The following LRRIQ3 variants were observed in gnomAD, a reference collection of about 807,000 sequenced individuals.
The protein encoded by LRRIQ3 is leucine-rich repeat and IQ domain-containing protein 3.
LRRIQ3 carries 75 observed loss-of-function variants against 59.3 expected under a neutral mutation model. The observed-to-expected ratio is 1.26, with a 90% CI of 1.05 to 1.53. LRRIQ3 has a LOEUF of 1.53. Ranked by LOEUF, LRRIQ3 falls within the 40% of genes most tolerant of loss-of-function variation. The pLI, the probability that LRRIQ3 is intolerant of heterozygous loss-of-function variation, is 0.00. For missense variants in LRRIQ3, 831 were observed against 710.0 expected (o/e 1.17, Z -1.94); for synonymous variants, 250 against 231.3 (o/e 1.08, Z -0.73).
intron 5 of LRRIQ3, chr1:74,083,217 T>C (rs1162245572): frequency 6.6e-6 from 1 of 151,730 alleles, no homozygotes; most frequent in Non-Finnish European, 1.5e-5. Flanking sequence ...ACAGCCTCAG[T>C]ACAAATCTTA....
intron 6 of LRRIQ3, among the ~76,000 whole-genome samples, chr1:74,049,925 C>CTTT (rs1343000738): frequency 1.5e-4 from 15 of 102,782 alleles, no homozygotes; most frequent in East Asian, 5.9e-4. Flanking sequence ...TCTTTTTTTT[C>CTTT]TTTTTTTTTT....
At chr1:74,130,509 G>A (rs950511267) in intron 4 of LRRIQ3, among the ~76,000 whole-genome samples, 2 of 152,074 alleles carry the variant, frequency 1.3e-5, no homozygotes, top group Non-Finnish European at 2.9e-5. Flanking sequence ...TGGCAATTAA[G>A]GACTGGCTTT....
intron 3 of LRRIQ3, among the ~76,000 whole-genome samples, chr1:74,164,899 C>T (rs555824194): frequency 9.8e-4 from 148 of 151,564 alleles, no homozygotes; most frequent in African/African-American, 3.5e-3. Context: ...CCAATTGCTC[C>T]AGGACCATTT....
intron 3 of LRRIQ3, among the ~76,000 whole-genome samples, chr1:74,177,471 G>T (rs1229925277): frequency 6.6e-6 from 1 of 151,834 alleles, no homozygotes; most frequent in Admixed American, 6.6e-5. Context: ...GTCCCTCTGG[G>T]GAACCCTGAC....
chr1:74,151,679 C>G (rs993808905), intron 4 of LRRIQ3, among the ~76,000 whole-genome samples: 1 of 152,134 alleles, frequency 6.6e-6, no homozygotes, highest in Non-Finnish European at 1.5e-5. Flanking sequence ...TTCCGGGACT[C>G]TAAACCCCCA....
intron 5 of LRRIQ3, among the ~76,000 whole-genome samples, chr1:74,085,480 A>T (rs899243686): frequency 1.3e-5 from 2 of 151,902 alleles, no homozygotes; most frequent in Admixed American, 1.3e-4. Flanking sequence ...GAGAGAGACT[A>T]ATTTCCCCTA....
At chr1:74,099,640 C>T (rs868563484) in intron 5 of LRRIQ3, among the ~76,000 whole-genome samples, 12 of 152,028 alleles carry the variant, frequency 7.9e-5, no homozygotes, top group Admixed American at 2.6e-4. Flanking sequence ...TGATGAACAT[C>T]GATGCAAAAT....
chr1:74,049,863 C>T (rs1003879172), intron 6 of LRRIQ3, among the ~76,000 whole-genome samples: 5 of 151,438 alleles, frequency 3.3e-5, no homozygotes, highest in African/African-American at 9.7e-5. Context: ...TTTCCATTTA[C>T]ATGATTCCTA....
At chr1:74,036,033 GA>G (rs1653862054) in intron 7 of LRRIQ3, among the ~76,000 whole-genome samples, 1 of 152,224 alleles carries the variant, frequency 6.6e-6, no homozygotes, top group East Asian at 1.9e-4. Flanking sequence ...AGAGGATCAA[GA>G]ATATCTTATT....
chr1:74,054,739 A>AATATATAT (rs143015235), intron 6 of LRRIQ3, among the ~76,000 whole-genome samples: 1,808 of 141,678 alleles, frequency 0.013, 31 homozygotes, highest in African/African-American at 0.03. Context: ...AGAAAACACA[A>AATATATAT]ATATATATAT....
At chr1:74,095,629 C>G (rs1049378643) in intron 5 of LRRIQ3, among the ~76,000 whole-genome samples, 5 of 151,960 alleles carry the variant, frequency 3.3e-5, no homozygotes, top group Admixed American at 1.3e-4. Flanking sequence ...AGTAAGAATG[C>G]TTTTTTATGT....
chr1:74,183,306 T>C, intron 2 of LRRIQ3, 130 bp downstream of exon 2: 1 of 746,970 alleles, frequency 1.3e-6, no homozygotes, highest in Non-Finnish European at 2.1e-6. Context: ...TTTTAATTTA[T>C]TGTTAAATTT....
chr1:74,115,197 A>C (rs1193433951), intron 4 of LRRIQ3, among the ~76,000 whole-genome samples: 1 of 152,140 alleles, frequency 6.6e-6, no homozygotes, highest in East Asian at 1.9e-4. Context: ...TCATTCAAAA[A>C]ACACTGTTCT....
intron 5 of LRRIQ3, chr1:74,082,385 T>C (rs916714817): frequency 2.4e-4 from 37 of 151,530 alleles, no homozygotes; most frequent in African/African-American, 8.5e-4. Context: ...ATATGAGTAA[T>C]ATGAGTTTAC....
At chr1:74,158,258 C>G (rs528713315) in intron 3 of LRRIQ3, among the ~76,000 whole-genome samples, 1 of 152,204 alleles carries the variant, frequency 6.6e-6, no homozygotes, top group South Asian at 2.1e-4. Flanking sequence ...TGCACTATTG[C>G]TAGATTGAGC....
At chr1:74,046,537 G>C (rs948691255) in intron 6 of LRRIQ3, among the ~76,000 whole-genome samples, 6 of 152,114 alleles carry the variant, frequency 3.9e-5, no homozygotes, top group Non-Finnish European at 7.3e-5. Context: ...CATTGGAATG[G>C]GCAAAGGCTT....
chr1:74,174,192 T>C (rs1218638990), intron 3 of LRRIQ3, among the ~76,000 whole-genome samples: 1 of 152,130 alleles, frequency 6.6e-6, no homozygotes, highest in East Asian at 1.9e-4. Context: ...ATCAGTCCCA[T>C]AGAGTTTCTT....
In LRRIQ3 at chr1:74,184,319, G is replaced by T. The variant is rs187958624; in HGVS notation, c.1-635C>A. The stretch of plus-strand genomic sequence containing the variant: ...ATTTATCTAAAATATTTGGATAAAT[G>T]GTTTTTAATATAATTTTACACAGTA... On this transcript the variant is annotated intron_variant, in intron 1 of 7. Coordinates refer to ENST00000354431, the MANE Select transcript of LRRIQ3 (RefSeq NM_001105659.2). Among the ~76,000 whole-genome samples the T allele has an allele frequency of 1.4e-3, 212 of 152,040 alleles. 1 individual carries two copies. Among genetic ancestry groups the T allele is most frequent in the African/African-American group, 5.0e-3 (207 of 41,532 alleles).
chr1:74,033,228 G>A (rs1456598506), intron 7 of LRRIQ3, among the ~76,000 whole-genome samples: 1 of 151,946 alleles, frequency 6.6e-6, no homozygotes, highest in Admixed American at 6.6e-5. Context: ...CCAAATACAG[G>A]AAATAAAGAT....
Sources: allele counts gnomAD v4.1 joint callset (sites outside exome capture counted in the v4.1 genomes callset), GRCh38; gene constraint gnomAD v4.1.1; transcripts MANE v1.5; gene names NCBI Gene and HGNC (gene_info 2026-07-23, HGNC 2026-07-21).